ASAP1: variants seen among roughly 807,000 people sequenced by gnomAD.
ASAP1 encodes the protein ArfGAP with SH3 domain, ankyrin repeat and PH domain 1, also known as arf-GAP with SH3 domain, ANK repeat and PH domain-containing protein 1.
ASAP1 carries 43 observed loss-of-function variants against 145.2 expected under a neutral mutation model. That is an observed-to-expected ratio of 0.30 (90% CI 0.23 to 0.38). The LOEUF (loss-of-function observed/expected upper bound fraction) is 0.38, where lower values mean the gene tolerates loss of function less well. Ranked by LOEUF, ASAP1 falls within the 10% of genes least tolerant of loss-of-function variation. The probability of loss-of-function intolerance (pLI) is 1.00; values close to 1 mark genes in which losing one functional copy is unlikely to be tolerated. For synonymous variants in ASAP1, 546 were observed against 515.5 expected, an observed-to-expected ratio of 1.06 and a Z score of -0.80; for missense variants, 1,018 against 1,355.3, an observed-to-expected ratio of 0.75 and a Z score of 3.91.
intron 3 of ASAP1, among the ~76,000 whole-genome samples, chr8:130,248,424 G>A (rs1453017504): frequency 6.6e-6 from 1 of 152,156 alleles, no homozygotes; most frequent in African/African-American, 2.4e-5. Context: ...TTGTTGTTAA[G>A]AAGCATCAGG....
chr8:130,270,605 TA>T (rs1391920748), intron 3 of ASAP1, among the ~76,000 whole-genome samples: 1 of 152,226 alleles, frequency 6.6e-6, no homozygotes, highest in Non-Finnish European at 1.5e-5. Flanking sequence ...ACACAAAAAC[TA>T]AACCAACTAG....
At chr8:130,063,290 G>C (rs781551409) in intron 27 of ASAP1, among the ~76,000 whole-genome samples, 8 of 152,148 alleles carry the variant, frequency 5.3e-5, no homozygotes, top group Non-Finnish European at 1.2e-4. Context: ...TGATCTTCCT[G>C]TCTCAGCCTC....
intron 9 of ASAP1, among the ~76,000 whole-genome samples, chr8:130,172,871 C>T (rs1813682080): frequency 6.6e-6 from 1 of 152,180 alleles, no homozygotes; most frequent in East Asian, 1.9e-4. Flanking sequence ...AATTTACTTT[C>T]CTTCTGCTTC....
At chr8:130,196,327 A>G (rs1029272212) in intron 5 of ASAP1, among the ~76,000 whole-genome samples, 1 of 149,468 alleles carries the variant, frequency 6.7e-6, no homozygotes, top group African/African-American at 2.4e-5. Context: ...GGGTGACAAG[A>G]GTGAAACTCC....
At chr8:130,317,258 AC>A (rs1298026904) in intron 3 of ASAP1, among the ~76,000 whole-genome samples, 3 of 152,114 alleles carry the variant, frequency 2.0e-5, no homozygotes, top group Non-Finnish European at 4.4e-5. Context: ...TTTTTCACTC[AC>A]CAATCCCCAT....
At chr8:130,298,075 A>C (rs767116216) in intron 3 of ASAP1, among the ~76,000 whole-genome samples, 100 of 152,292 alleles carry the variant, frequency 6.6e-4, no homozygotes, top group Non-Finnish European at 6.8e-4. Context: ...GTTGGATGGG[A>C]TAAAACTTAA....
intron 5 of ASAP1, among the ~76,000 whole-genome samples, chr8:130,209,561 AAAAG>A (rs1422289523): frequency 1.3e-5 from 2 of 152,056 alleles, no homozygotes; most frequent in Non-Finnish European, 2.9e-5. Context: ...AAAAAAAAAA[AAAAG>A]AAAGGCTATT....
intron 17 of ASAP1, 62 bp downstream of exon 17, chr8:130,125,894 C>G: frequency 4.0e-6 from 6 of 1,503,976 alleles, no homozygotes; most frequent in Non-Finnish European, 4.4e-6. Context: ...AAATCCAAAA[C>G]AATATATTAA....
intron 1 of ASAP1, among the ~76,000 whole-genome samples, chr8:130,412,947 A>C (rs921449070): frequency 2.6e-5 from 4 of 152,180 alleles, no homozygotes; most frequent in Non-Finnish European, 4.4e-5. Flanking sequence ...CCCAGCCACA[A>C]TTTTTAAAAA....
At chr8:130,353,824 T>C (rs942261274) in intron 3 of ASAP1, among the ~76,000 whole-genome samples, 4 of 151,926 alleles carry the variant, frequency 2.6e-5, no homozygotes, top group Admixed American at 2.0e-4. Flanking sequence ...TGAGCTGAGA[T>C]CGCACCACTG....
At chr8:130,100,338 CTTTT>C (rs895950656) in intron 24 of ASAP1, among the ~76,000 whole-genome samples, 4 of 150,100 alleles carry the variant, frequency 2.7e-5, no homozygotes, top group African/African-American at 5.0e-5. Context: ...TTCTTTCTTT[CTTTT>C]TTTTGAGACG....
intron 3 of ASAP1, among the ~76,000 whole-genome samples, chr8:130,253,550 G>T (rs1727365663): frequency 6.6e-6 from 1 of 152,186 alleles, no homozygotes; most frequent in South Asian, 2.1e-4. Context: ...AAGCTCTTTA[G>T]ATTAGTGATC....
chr8:130,366,154 G>C (rs1031618748), intron 2 of ASAP1, among the ~76,000 whole-genome samples: 1 of 152,148 alleles, frequency 6.6e-6, no homozygotes, highest in African/African-American at 2.4e-5. Context: ...TTCAAGGATA[G>C]GATTAAAGAC....
At chr8:130,133,688 C>CA (rs138495590) in intron 15 of ASAP1, among the ~76,000 whole-genome samples, 3,578 of 137,634 alleles carry the variant, frequency 0.026, 53 homozygotes, top group Non-Finnish European at 0.038. Flanking sequence ...AACAAACAAA[C>CA]AAAAAAAAAA....
In ASAP1 at chr8:130,295,822, T is replaced by C. The variant is rs547091587; in HGVS notation, c.187-58828A>G. ...TCCCTAACTAGGATTCATGGAGATATCAGAAATCTTTTTGGACCAGATCTT... is the reference window on the plus strand; with the variant it reads ...TCCCTAACTAGGATTCATGGAGATACCAGAAATCTTTTTGGACCAGATCTT... On this transcript the variant is annotated intron_variant, in intron 3 of 29. Coordinates refer to ENST00000518721, the MANE Select transcript of ASAP1 (RefSeq NM_018482.4). Among the ~76,000 whole-genome samples, 89 of 152,306 alleles carry C rather than the reference T, an allele frequency of 5.8e-4. No individual in the cohort carries two copies. The South Asian group carries it at 0.013, about 23-fold the overall frequency.
At chr8:130,305,389 C>G (rs1255175987) in intron 3 of ASAP1, among the ~76,000 whole-genome samples, 2 of 152,192 alleles carry the variant, frequency 1.3e-5, no homozygotes, top group African/African-American at 2.4e-5. Flanking sequence ...CTCTGTTGCC[C>G]AGGCTGGAGT....
At chr8:130,063,030 T>A (rs1404739421) in intron 27 of ASAP1, among the ~76,000 whole-genome samples, 1 of 152,102 alleles carries the variant, frequency 6.6e-6, no homozygotes, top group Non-Finnish European at 1.5e-5. Context: ...GTTGTATAAT[T>A]AATAGCATGA....
chr8:130,217,322 G>A (rs1474724032), intron 4 of ASAP1, among the ~76,000 whole-genome samples: 1 of 151,200 alleles, frequency 6.6e-6, no homozygotes, highest in Non-Finnish European at 1.5e-5. Context: ...GTTTTTTTTG[G>A]TCATATTTTT....
chr8:130,205,552 G>A (rs1252599793), intron 5 of ASAP1, among the ~76,000 whole-genome samples: 1 of 143,010 alleles, frequency 7.0e-6, no homozygotes, highest in African/African-American at 2.6e-5. Flanking sequence ...TATGCAGCCT[G>A]TTAGAGCAAA....
Sources: allele counts gnomAD v4.1 joint callset (sites outside exome capture counted in the v4.1 genomes callset), GRCh38; gene constraint gnomAD v4.1.1; transcripts MANE v1.5; gene names NCBI Gene and HGNC (gene_info 2026-07-23, HGNC 2026-07-21).